The following EDA variants were observed in gnomAD, a reference collection of about 807,000 sequenced individuals.
EDA encodes the protein ectodysplasin-A.
EDA carries 2 observed loss-of-function variants against 23.6 expected under a neutral mutation model. That is an observed-to-expected ratio of 0.08 (90% confidence interval 0.03 to 0.27). EDA has a LOEUF of 0.27. Among genes scored for constraint, EDA ranks in the 10% least tolerant of loss-of-function variants. The pLI is 1.00. For missense variants in EDA, 229 were observed against 324.2 expected, an observed-to-expected ratio of 0.71 and a Z score of 2.26; for synonymous variants, 131 against 132.0, an observed-to-expected ratio of 0.99 and a Z score of 0.05.
intron 1 of EDA, among the ~76,000 whole-genome samples, chrX:69,801,780 T>C (rs909971877): frequency 4.5e-5 from 5 of 111,619 alleles, no homozygotes; most frequent in Non-Finnish European, 5.7e-5. Flanking sequence ...ATCTGGAAAA[T>C]ACAAGTTAAT....
chrX:70,029,486 T>G lies in EDA; in HGVS notation c.707-18T>G, dbSNP rs762249660. The G allele has an allele frequency of 7.0e-5, 85 of 1,209,935 alleles. No individual in the cohort carries two copies. The highest frequency in any genetic ancestry group is 1.7e-4 in the African/African-American group (10 of 57,368). On this transcript the variant is annotated intron_variant, in intron 4 of 7. Coordinates refer to ENST00000374552, the MANE Select transcript of EDA (RefSeq NM_001399.5). The stretch of plus-strand genomic sequence containing the variant: ...GTCAAAAGATTATGCCCTCTGATTG[T>G]CCTATCCTATTTTGCAGGTGCTGCT...
intron 1 of EDA, among the ~76,000 whole-genome samples, chrX:69,936,608 G>C (rs1255198259): frequency 8.9e-6 from 1 of 111,896 alleles, no homozygotes; most frequent in Non-Finnish European, 1.9e-5. Flanking sequence ...AAAGTTGGTA[G>C]ATGGTCATTT....
At chrX:70,033,655 G>T (rs1040669344) in intron 7 of EDA, 127 bp downstream of exon 7, 3 of 792,396 alleles carry the variant, frequency 3.8e-6, no homozygotes, top group South Asian at 2.3e-5. Context: ...GTGAGGGGGT[G>T]GGGGGACCGC....
At chrX:69,993,627 A>G (rs1476665019) in intron 2 of EDA, among the ~76,000 whole-genome samples, 1 of 112,031 alleles carries the variant, frequency 8.9e-6, no homozygotes, top group Non-Finnish European at 1.9e-5. Flanking sequence ...CTTCCAAGGA[A>G]AGCTCACAGC....
intron 1 of EDA, among the ~76,000 whole-genome samples, chrX:69,746,160 C>T (rs1226362093): frequency 1.8e-5 from 2 of 110,275 alleles, no homozygotes; most frequent in African/African-American, 6.6e-5. Flanking sequence ...CTCTTTCTTT[C>T]TCTGTCTCTC....
chrX:69,692,282 G>C (rs1934733876), intron 1 of EDA, among the ~76,000 whole-genome samples: 1 of 111,567 alleles, frequency 9.0e-6, no homozygotes. Flanking sequence ...ATTAGGTTAT[G>C]ATAGAAACTC....
At chrX:69,790,040 C>G (rs764751235) in intron 1 of EDA, among the ~76,000 whole-genome samples, 2 of 111,574 alleles carry the variant, frequency 1.8e-5, no homozygotes, top group African/African-American at 3.3e-5. Flanking sequence ...ATCTTGAGTA[C>G]TTTTGGCTTA....
At chrX:69,774,745 A>T (rs1306661142) in intron 1 of EDA, among the ~76,000 whole-genome samples, 1 of 111,628 alleles carries the variant, frequency 9.0e-6, no homozygotes, top group Non-Finnish European at 1.9e-5. Context: ...TCTTAGCCAT[A>T]TGATATTTGA....
chrX:69,803,302 G>T (rs2520407), intron 1 of EDA, among the ~76,000 whole-genome samples: 32,126 of 107,037 alleles, frequency 0.3, 4,701 homozygotes, highest in Middle Eastern at 0.55. Flanking sequence ...AGTTTTTTTG[G>T]TTTTTTTTTA....
At chrX:69,871,749 A>G (rs1449838391) in intron 1 of EDA, among the ~76,000 whole-genome samples, 1 of 112,434 alleles carries the variant, frequency 8.9e-6, no homozygotes. Flanking sequence ...CTTTGGGACT[A>G]TGTTAAACAT....
intron 1 of EDA, among the ~76,000 whole-genome samples, chrX:69,941,547 A>G (rs2018757980): frequency 1.8e-5 from 2 of 111,098 alleles, no homozygotes; most frequent in African/African-American, 6.5e-5. Flanking sequence ...TGTCTCTTTT[A>G]TAGCTTTTGT....
intron 1 of EDA, among the ~76,000 whole-genome samples, chrX:69,711,096 T>G (rs1451841669): frequency 5.4e-5 from 6 of 111,426 alleles, no homozygotes; most frequent in Admixed American, 1.9e-4. Context: ...TGCTTCCAGT[T>G]TTTGCCCATT....
chrX:69,691,587 T>G (rs778131054), intron 1 of EDA, among the ~76,000 whole-genome samples: 14 of 111,875 alleles, frequency 1.3e-4, no homozygotes, highest in Non-Finnish European at 2.3e-4. Context: ...AAAGCACAGC[T>G]GGGATTGTAT....
intron 1 of EDA, among the ~76,000 whole-genome samples, chrX:69,750,793 A>G (rs373582240): frequency 9.0e-6 from 1 of 111,678 alleles, no homozygotes; most frequent in Admixed American, 9.4e-5. Flanking sequence ...GCATTTTTTC[A>G]TGTGTCTGTG....
At chrX:69,958,768 A>G (rs1193007718) in intron 2 of EDA, among the ~76,000 whole-genome samples, 2 of 111,551 alleles carry the variant, frequency 1.8e-5, no homozygotes, top group African/African-American at 6.5e-5. Flanking sequence ...GCAGGGAGCT[A>G]AGAAGCATGG....
intron 6 of EDA, 95 bp downstream of exon 6, chrX:70,030,615 C>T (rs1318273253): frequency 3.7e-6 from 3 of 806,283 alleles, no homozygotes; most frequent in South Asian, 4.4e-5. Flanking sequence ...CCTCCCAGGC[C>T]GCTGAGGTAC....
At chrX:69,995,309 T>C (rs747832675) in intron 2 of EDA, among the ~76,000 whole-genome samples, 38 of 112,212 alleles carry the variant, frequency 3.4e-4, no homozygotes, top group African/African-American at 1.2e-3. Flanking sequence ...ATCCAATCCC[T>C]TGAGAGAAGA....
At position 69,768,748 on chromosome X, in the gene EDA, A is replaced by G. The variant is rs1433398989; in HGVS notation, c.396+152044A>G. Among the ~76,000 whole-genome samples the G allele has an allele frequency of 2.7e-5, 3 of 111,396 alleles. No homozygotes were observed. In the East Asian group the frequency reaches 8.4e-4, roughly 31 times the overall value. On this transcript the variant is annotated intron_variant, in intron 1 of 7. Coordinates refer to ENST00000374552, the MANE Select transcript of EDA (RefSeq NM_001399.5). ...AAACATTTCTCCTTATTTGGGTTTA[A>G]TGTGTTGTTCTTCTACTAGTTATTT...
At chrX:69,993,104 G>A (rs905348380) in intron 2 of EDA, among the ~76,000 whole-genome samples, 4 of 108,709 alleles carry the variant, frequency 3.7e-5, no homozygotes, top group East Asian at 2.8e-4. Context: ...CATGTTTCAC[G>A]TTCCCATAGA....
Sources: gnomAD v4.1 joint callset for allele counts (sites outside exome capture counted in the v4.1 genomes callset) on GRCh38, gnomAD v4.1.1 for gene constraint, MANE v1.5 for transcripts, NCBI Gene and HGNC (gene_info 2026-07-23, HGNC 2026-07-21) for gene names.